VDAC1: variants seen among roughly 807,000 people sequenced by gnomAD.
The protein encoded by VDAC1 is non-selective voltage-gated ion channel VDAC1.
A neutral mutation model predicts 34.7 loss-of-function variants in VDAC1; 10 were observed. That is an observed-to-expected ratio of 0.29 (90% confidence interval 0.18 to 0.49). The LOEUF (loss-of-function observed/expected upper bound fraction) is 0.49, where lower values mean the gene tolerates loss of function less well. Ranked by LOEUF, VDAC1 falls within the 20% of genes least tolerant of loss-of-function variation. The pLI is 0.99. For missense variants in VDAC1, 230 were observed against 347.9 expected (o/e 0.66, Z 2.69); for synonymous variants, 130 against 136.0 (o/e 0.96, Z 0.30).
chr5:134,100,490 G>A, the VDAC1 span, among the ~76,000 whole-genome samples: 2 of 152,188 alleles, frequency 1.3e-5, no homozygotes, highest in Non-Finnish European at 2.9e-5. Flanking sequence ...TCCTGCCTGT[G>A]ATCTAGATCT....
At chr5:134,016,150 C>A in the VDAC1 span, among the ~76,000 whole-genome samples, 3 of 152,168 alleles carry the variant, frequency 2.0e-5, no homozygotes, top group African/African-American at 7.2e-5. Flanking sequence ...TAAAATCAAA[C>A]GATCAGGAAA....
chr5:134,102,314 A>G, the VDAC1 span, among the ~76,000 whole-genome samples: 5 of 150,060 alleles, frequency 3.3e-5, no homozygotes, highest in African/African-American at 1.2e-4. Context: ...CAGACTCCCC[A>G]GCCCATCCCC....
chr5:134,095,398 G>A, the VDAC1 span, among the ~76,000 whole-genome samples: 1 of 151,962 alleles, frequency 6.6e-6, no homozygotes, highest in Non-Finnish European at 1.5e-5. Flanking sequence ...TGGGGTGATT[G>A]CTTGAGCCCA....
the VDAC1 span, among the ~76,000 whole-genome samples, chr5:134,092,675 C>CAAA: frequency 3.1e-5 from 3 of 97,036 alleles, no homozygotes; most frequent in African/African-American, 7.3e-5. Context: ...GATTCCGTCT[C>CAAA]AAAAAAAAAA....
the VDAC1 span, among the ~76,000 whole-genome samples, chr5:134,089,851 G>C: frequency 6.6e-6 from 1 of 152,154 alleles, no homozygotes; most frequent in Non-Finnish European, 1.5e-5. Context: ...AATTAGCCAG[G>C]CATGGTGGCG....
At chr5:134,014,044 C>G in the VDAC1 span, among the ~76,000 whole-genome samples, 2 of 152,266 alleles carry the variant, frequency 1.3e-5, no homozygotes, top group African/African-American at 4.8e-5. Context: ...AATCCCAGCA[C>G]TTTGGGGGGC....
At chr5:134,037,071 C>T in the VDAC1 span, among the ~76,000 whole-genome samples, 8 of 152,080 alleles carry the variant, frequency 5.3e-5, no homozygotes, top group South Asian at 2.1e-4. Flanking sequence ...TGCCCTTTAA[C>T]GAGTAACCAA....
At chr5:133,995,995 C>T (rs1753288598) in intron 1 of VDAC1, among the ~76,000 whole-genome samples, 1 of 152,176 alleles carries the variant, frequency 6.6e-6, no homozygotes, top group Non-Finnish European at 1.5e-5. Context: ...TGATACACAG[C>T]TGTCTCTGCA....
intron 2 of VDAC1, 133 bp from the exon 3 acceptor site, chr5:133,992,488 T>C: frequency 1.8e-6 from 1 of 553,172 alleles, no homozygotes; most frequent in Non-Finnish European, 3.0e-6. Context: ...GGGCACCCAG[T>C]CTCTGCTGCT....
intron 5 of VDAC1, among the ~76,000 whole-genome samples, chr5:133,987,723 A>G (rs145994246): frequency 1.8e-4 from 28 of 152,352 alleles, no homozygotes; most frequent in African/African-American, 6.7e-4. Context: ...CAAAAGTATG[A>G]TGAGAAATAG....
At chr5:134,074,726 C>T in the VDAC1 span, among the ~76,000 whole-genome samples, 16 of 152,088 alleles carry the variant, frequency 1.1e-4, no homozygotes, top group Non-Finnish European at 1.5e-4. Flanking sequence ...CCCAATAGCA[C>T]TTAGAGTTTT....
At chr5:134,038,345 T>G in the VDAC1 span, among the ~76,000 whole-genome samples, 2 of 151,300 alleles carry the variant, frequency 1.3e-5, no homozygotes, top group Non-Finnish European at 3.0e-5. Context: ...GCCCCTGGGA[T>G]GAGAACAAGG....
chr5:134,006,191 A>G (rs1250971209), upstream of VDAC1, among the ~76,000 whole-genome samples: 1 of 152,134 alleles, frequency 6.6e-6, no homozygotes, highest in Non-Finnish European at 1.5e-5. Context: ...TGAGGAGTGT[A>G]GGACGGATTC....
the VDAC1 span, among the ~76,000 whole-genome samples, chr5:134,053,638 C>T: frequency 1.6e-4 from 24 of 152,322 alleles, no homozygotes; most frequent in Middle Eastern, 3.4e-3. Flanking sequence ...AGCCCCATTC[C>T]GGGCCATTCC....
the VDAC1 span, among the ~76,000 whole-genome samples, chr5:134,086,330 A>T: frequency 6.6e-6 from 1 of 152,244 alleles, no homozygotes; most frequent in Non-Finnish European, 1.5e-5. Context: ...AATGGCTCCA[A>T]GGGTAGGCAG....
At chr5:133,979,866 C>T (rs528546603) in intron 6 of VDAC1, among the ~76,000 whole-genome samples, 1 of 152,284 alleles carries the variant, frequency 6.6e-6, no homozygotes, top group Non-Finnish European at 1.5e-5. Flanking sequence ...GTCATACCCT[C>T]CCCGCCCCCT....
chr5:134,078,427 GC>G, the VDAC1 span, among the ~76,000 whole-genome samples: 1 of 152,072 alleles, frequency 6.6e-6, no homozygotes, highest in African/African-American at 2.4e-5. Context: ...ACTACACAAG[GC>G]CCAGGAGGAC....
Position 133,972,554 on chromosome 5 carries a change from C to A in VDAC1, c.*217G>T. On this transcript the variant is annotated 3_prime_UTR_variant, in exon 9 of 9. Coordinates refer to ENST00000265333, the MANE Select transcript of VDAC1 (RefSeq NM_003374.3). Reference sequence around the variant, plus strand: ...GGCATCTCAAAGGGGCCACCAAGTTCTCCCCGAGTCTACCACTGAAAGGAC... The same window carrying A: ...GGCATCTCAAAGGGGCCACCAAGTTATCCCCGAGTCTACCACTGAAAGGAC... 1 of 456,262 alleles carries A rather than the reference C, an allele frequency of 2.2e-6. No individual in the cohort carries two copies. The highest frequency in any genetic ancestry group is 5.7e-5 in the South Asian group (1 of 17,420). 28.3% of individuals were successfully genotyped at this position (456,262 alleles called of 1,614,324 possible). A position where few individuals can be genotyped will look rare whatever the true frequency, so the allele number is the denominator to read the frequency against.
chr5:133,996,363 A>C (rs2126997279), intron 1 of VDAC1, among the ~76,000 whole-genome samples: 1 of 152,316 alleles, frequency 6.6e-6, no homozygotes, highest in Non-Finnish European at 1.5e-5. Context: ...CTGACCTTGA[A>C]CAAATTATGC....
Sources: allele counts gnomAD v4.1 joint callset (sites outside exome capture counted in the v4.1 genomes callset), GRCh38; gene constraint gnomAD v4.1.1; transcripts MANE v1.5; gene names NCBI Gene and HGNC (gene_info 2026-07-23, HGNC 2026-07-21).